Variants in ARHGEF10L observed in about 807,000 individuals in gnomAD.
ARHGEF10L encodes the protein rho guanine nucleotide exchange factor 10-like protein.
In ARHGEF10L, 69 loss-of-function variants were observed where a neutral mutation model predicts 141.2. That is an observed-to-expected ratio of 0.49 (90% CI 0.40 to 0.60). The LOEUF (loss-of-function observed/expected upper bound fraction) is 0.60, where lower values mean the gene tolerates loss of function less well. ARHGEF10L is among the 20% of genes least tolerant of loss of function. The pLI, the probability that ARHGEF10L is intolerant of heterozygous loss-of-function variation, is 0.00. For missense variants in ARHGEF10L, 1,482 were observed against 1,734.3 expected, an observed-to-expected ratio of 0.85 and a Z score of 2.58; for synonymous variants, 711 against 718.5, an observed-to-expected ratio of 0.99 and a Z score of 0.17.
Position 17,627,615 on chromosome 1 carries a change from G to T in ARHGEF10L, c.1584+112G>T. On this transcript the variant is annotated intron_variant, in intron 15 of 28. Coordinates refer to ENST00000361221, the MANE Select transcript of ARHGEF10L (RefSeq NM_018125.4). This position sits in a 1 kb window ranked among gnomAD's most constrained non-coding sequence, Gnocchi z 4.0. ...TAGGTGGCAGTGTTCTCTGAGGGAGGGGAGGCCTTGCTCTTCCAAGGATGT... is the reference window on the plus strand; with the variant it reads ...TAGGTGGCAGTGTTCTCTGAGGGAGTGGAGGCCTTGCTCTTCCAAGGATGT... The T allele has an allele frequency of 7.5e-7, 1 of 1,334,342 alleles. No individual in the cohort carries two copies. The highest frequency in any genetic ancestry group is 1.5e-5 in the African/African-American group (1 of 68,852). The allele number at this position is 1,334,342 out of a possible 1,614,324, so 82.7% of individuals were successfully genotyped here. A position where few individuals can be genotyped will look rare whatever the true frequency, so the allele number is the denominator to read the frequency against.
At chr1:17,563,223 C>G (rs917241810) in intron 1 of ARHGEF10L, among the ~76,000 whole-genome samples, 1 of 150,020 alleles carries the variant, frequency 6.7e-6, no homozygotes, top group Non-Finnish European at 1.5e-5. Flanking sequence ...TAAGCTTTGT[C>G]AGAGAGCCCT....
chr1:17,524,071 C>T, the ARHGEF10L span, among the ~76,000 whole-genome samples: 26 of 152,154 alleles, frequency 1.7e-4, no homozygotes, highest in East Asian at 3.7e-3. Flanking sequence ...GTCAGGAGTT[C>T]GAGACCAGCC....
Position 17,673,126 on chromosome 1 carries a change from A to G in ARHGEF10L, c.3009+8531A>G, listed in dbSNP as rs1366556134. Among the ~76,000 whole-genome samples the G allele has an allele frequency of 2.0e-5, 3 of 152,152 alleles. No individual in the cohort carries two copies. Among genetic ancestry groups the G allele is most frequent in the South Asian group, 2.1e-4 (1 of 4,826 alleles). Reference sequence around the variant, plus strand: ...CCTGGAGCAGGAGGGAACCTGGAGGAAAAAGGGAACCGGTACAGGGAAGGC... The same window carrying G: ...CCTGGAGCAGGAGGGAACCTGGAGGGAAAAGGGAACCGGTACAGGGAAGGC... On this transcript the variant is annotated intron_variant, in intron 26 of 28. Transcript: ENST00000361221. The surrounding 1 kb of genome is among the most constrained non-coding windows in gnomAD (Gnocchi z 4.1).
intron 1 of ARHGEF10L, among the ~76,000 whole-genome samples, chr1:17,579,930 C>T (rs558770678): frequency 4.6e-5 from 7 of 152,350 alleles, no homozygotes; most frequent in African/African-American, 1.7e-4. Context: ...ACTGTGCCCC[C>T]ACGCTGAGCA....
At chr1:17,568,830 A>T (rs980125957) in intron 1 of ARHGEF10L, among the ~76,000 whole-genome samples, 1 of 152,048 alleles carries the variant, frequency 6.6e-6, no homozygotes, top group Non-Finnish European at 1.5e-5. Flanking sequence ...TTTGACTTCA[A>T]CTCAGGACAA....
chr1:17,624,394 A>G lies in ARHGEF10L; in HGVS notation c.1208A>G (p.Lys403Arg). 6.2e-7 allele frequency: 1 copy of G among 1,613,832 alleles called. No individual in the cohort carries two copies. The highest frequency in any genetic ancestry group is 8.5e-7 in the Non-Finnish European group (1 of 1,179,784). The stretch of plus-strand genomic sequence containing the variant: ...ACACCTGCCTTGTTTCAGTTTTCCA[A>G]GTCCATGGTGCTAGATGTGTACAGT... ...IGDLFVASFS[K>R]SMVLDVYSDY... is the part of the protein sequence containing the mutation. The change falls in exon 13 of 29, where the codon AAG (lysine) becomes AGG (arginine). Residue 403 changes from lysine (K) to arginine (R), a missense_variant. By Grantham distance (26) the Lys-to-Arg change is conservative. Transcript: ENST00000361221.
intron 26 of ARHGEF10L, among the ~76,000 whole-genome samples, chr1:17,682,195 G>A (rs1403806852): frequency 1.3e-5 from 2 of 152,312 alleles, no homozygotes; most frequent in East Asian, 3.9e-4. Flanking sequence ...TAGAGTCACT[G>A]CCTTCAGGCT....
At chr1:17,599,917 C>T (rs1267917898) in intron 4 of ARHGEF10L, among the ~76,000 whole-genome samples, 2 of 152,192 alleles carry the variant, frequency 1.3e-5, no homozygotes, top group African/African-American at 4.8e-5. Flanking sequence ...TTCCTTAGTC[C>T]CACTAGCCAC....
At chr1:17,555,804 C>G (rs1047429945) in intron 1 of ARHGEF10L, among the ~76,000 whole-genome samples, 25 of 152,098 alleles carry the variant, frequency 1.6e-4, no homozygotes, top group African/African-American at 5.6e-4. Context: ...TCTGTCGTGT[C>G]CCTTCTACCC....
At chr1:17,659,247 C>A (rs1301220569) in intron 25 of ARHGEF10L, among the ~76,000 whole-genome samples, 1 of 152,138 alleles carries the variant, frequency 6.6e-6, no homozygotes, top group African/African-American at 2.4e-5. Flanking sequence ...TCTGGGTGTC[C>A]AGTTTGGCTG....
Position 17,587,369 on chromosome 1 carries a change from C to G in ARHGEF10L, c.38-91C>G, listed in dbSNP as rs2079110282. 38 of 1,322,872 alleles carry G rather than the reference C, an allele frequency of 2.9e-5. 2 individuals carry two copies. In the South Asian group the frequency reaches 4.6e-4, roughly 16 times the overall value. 81.9% of individuals were successfully genotyped at this position (1,322,872 alleles called of 1,614,324 possible). ...CTGGCTCAGACCTGAGGTGCTCACC[C>G]AGTTCCAGCCATGCCCACCTACCCC... On this transcript the variant is annotated intron_variant, in intron 2 of 28. Coordinates refer to ENST00000361221, the MANE Select transcript of ARHGEF10L (RefSeq NM_018125.4).
At position 17,558,573 on chromosome 1, in the gene ARHGEF10L, A is replaced by G. The variant is rs2077430463; in HGVS notation, c.-44+18623A>G. 6.6e-6 allele frequency among the ~76,000 whole-genome samples: 1 copy of G among 152,192 alleles called. No individual in the cohort carries two copies. Among genetic ancestry groups the G allele is most frequent in the African/African-American group, 2.4e-5 (1 of 41,446 alleles). The stretch of plus-strand genomic sequence containing the variant: ...GTGTATTTGGGAGTGGCCCAGGCAG[A>G]TGAGGTGGGGAATGGCTTTCAGGCC... On this transcript the variant is annotated intron_variant, in intron 1 of 28. Coordinates refer to ENST00000361221, the MANE Select transcript of ARHGEF10L (RefSeq NM_018125.4). This position sits in a 1 kb window ranked among gnomAD's most constrained non-coding sequence, Gnocchi z 4.2.
chr1:17,638,621 G>A lies in ARHGEF10L; in HGVS notation c.2103G>A (p.Val701=). The change falls in exon 20 of 29, where the codon GTG becomes GTA. Residue 701 remains valine, a synonymous_variant. Coordinates refer to ENST00000361221, the MANE Select transcript of ARHGEF10L (RefSeq NM_018125.4). ...WCLALQRLMR[V]KEEEIHSANK... ...TGGCCCTGCAGAGGCTGATGCGGGT[G>A]AAGGAGGAAGAGATCCACTCGGCCA... 6.2e-7 allele frequency: 1 copy of A among 1,614,176 alleles called. No individual in the cohort carries two copies. The highest frequency in any genetic ancestry group is 8.5e-7 in the Non-Finnish European group (1 of 1,180,048).
chr1:17,513,555 G>A, the ARHGEF10L span, among the ~76,000 whole-genome samples: 16 of 152,206 alleles, frequency 1.1e-4, no homozygotes, highest in African/African-American at 3.9e-4. Flanking sequence ...TACTGACAAG[G>A]ACAAGTGGAA....
rs748924304 is a variant in ARHGEF10L, at chr1:17,656,841, G to A, written c.2860+133G>A. The A allele has an allele frequency of 5.9e-6, 7 of 1,180,880 alleles. No individual in the cohort carries two copies. The highest frequency in any genetic ancestry group is 8.1e-6 in the Non-Finnish European group (7 of 863,084). The allele number at this position is 1,180,880 out of a possible 1,614,324, so 73.2% of individuals were successfully genotyped here. On this transcript the variant is annotated intron_variant, in intron 25 of 28. Transcript: ENST00000361221. This position sits in a 1 kb window ranked among gnomAD's most constrained non-coding sequence, Gnocchi z 4.9. ...AATCTCAGTGCTGAGGGCATTTGGA[G>A]ATCCGTGAGCCCCGCTGGGGTTCAA... is the stretch of plus-strand genomic sequence containing the variant.
Position 17,655,981 on chromosome 1 carries a change from C to T in ARHGEF10L, c.2584C>T (p.Leu862Phe). 2 of 1,567,406 alleles carry T rather than the reference C, an allele frequency of 1.3e-6. No individual in the cohort carries two copies. Among genetic ancestry groups the T allele is most frequent in the Non-Finnish European group, 1.7e-6 (2 of 1,155,186 alleles). ...VKSFPLAAPV[L>F]CMEYIPELEE... ...GTCCTTCCCACTGGCAGCCCCTGTG[C>T]TCTGCATGGAGTATATCCCGGAGCT... is the stretch of plus-strand genomic sequence containing the variant. The change falls in exon 24 of 29, where the codon CTC (leucine) becomes TTC (phenylalanine). Residue 862 changes from leucine (L) to phenylalanine (F), a missense_variant. This residue lies in a region of ARHGEF10L where 858 missense variants were observed against 966.3 expected (regional missense o/e 0.89). Transcript: ENST00000361221.
chr1:17,559,121 TCTTACTTCTGC>T (rs1411095571), intron 1 of ARHGEF10L, among the ~76,000 whole-genome samples: 1 of 152,078 alleles, frequency 6.6e-6, no homozygotes, highest in African/African-American at 2.4e-5. Flanking sequence ...GATGTGGGAG[TCTTACTTCTGC>T]CATTTGTCAG....
chr1:17,535,318 G>A (rs969001015), upstream of ARHGEF10L, among the ~76,000 whole-genome samples: 11 of 152,138 alleles, frequency 7.2e-5, no homozygotes, highest in African/African-American at 2.4e-4. Context: ...GTGAGTGATG[G>A]GCATGGCTAT....
chr1:17,668,264 G>A (rs1426303061), intron 26 of ARHGEF10L, among the ~76,000 whole-genome samples: 2 of 152,334 alleles, frequency 1.3e-5, no homozygotes, highest in African/African-American at 4.8e-5. Flanking sequence ...CAGTGGGTGT[G>A]GGGCATCGAG....
Sources: gnomAD v4.1 joint callset for allele counts (sites outside exome capture counted in the v4.1 genomes callset) on GRCh38, gnomAD v4.1.1 for gene constraint, gnomAD v4.1.1 regional missense constraint, Gnocchi (gnomAD v3.1) non-coding constraint, MANE v1.5 for transcripts, NCBI Gene and HGNC (gene_info 2026-07-23, HGNC 2026-07-21) for gene names.